Variants in DPP6 observed in about 807,000 individuals in gnomAD.
DPP6 encodes A-type potassium channel modulatory protein DPP6.
In DPP6, 69 loss-of-function variants were observed where a neutral mutation model predicts 122.6. That is an observed-to-expected ratio of 0.56 (90% CI 0.46 to 0.69). The LOEUF (loss-of-function observed/expected upper bound fraction) is 0.69. DPP6 is among the 30% of genes least tolerant of loss of function. The probability of loss-of-function intolerance (pLI) is 0.00; values close to 1 mark genes in which losing one functional copy is unlikely to be tolerated. For missense variants in DPP6, 928 were observed against 1,116.9 expected (o/e 0.83, Z 2.41); for synonymous variants, 418 against 433.1 (o/e 0.97, Z 0.43).
chr7:153,995,862 G>C (rs1198908800), intron 1 of DPP6, among the ~76,000 whole-genome samples: 1 of 152,196 alleles, frequency 6.6e-6, no homozygotes, highest in African/African-American at 2.4e-5. Flanking sequence ...CCTCCAAGGA[G>C]TCGTTGACAG....
chr7:154,457,115 A>T (rs1274197955), intron 2 of DPP6, among the ~76,000 whole-genome samples: 1 of 73,734 alleles, frequency 1.4e-5, no homozygotes, highest in African/African-American at 4.4e-5. Context: ...ATTTATTGAG[A>T]GTTTTTAGCA....
At chr7:153,955,591 A>G (rs2129024485) in intron 1 of DPP6, among the ~76,000 whole-genome samples, 1 of 152,158 alleles carries the variant, frequency 6.6e-6, no homozygotes, top group African/African-American at 2.4e-5. Flanking sequence ...GGCACCCGCC[A>G]CCACGCCTGG....
At chr7:154,494,243 C>G (rs1040273407) in intron 3 of DPP6, among the ~76,000 whole-genome samples, 9 of 151,944 alleles carry the variant, frequency 5.9e-5, no homozygotes, top group African/African-American at 2.2e-4. Flanking sequence ...GTAGTCCCAG[C>G]TACTCAGGAG....
At chr7:154,433,674 CT>C (rs1818633994) in intron 1 of DPP6, among the ~76,000 whole-genome samples, 1 of 152,176 alleles carries the variant, frequency 6.6e-6, no homozygotes, top group African/African-American at 2.4e-5. Flanking sequence ...AATTAGTCTT[CT>C]CCTTCTGTCC....
intron 4 of DPP6, among the ~76,000 whole-genome samples, chr7:154,565,069 G>A (rs1367724113): frequency 6.6e-6 from 1 of 152,194 alleles, no homozygotes; most frequent in Non-Finnish European, 1.5e-5. Flanking sequence ...GCATCTTTGA[G>A]ATAAGCTTTG....
chr7:153,788,834 A>G, the DPP6 span, among the ~76,000 whole-genome samples: 1 of 152,080 alleles, frequency 6.6e-6, no homozygotes, highest in Non-Finnish European at 1.5e-5. Context: ...GCATGGTGGT[A>G]GATGCCTGTA....
At chr7:153,818,427 T>C in the DPP6 span, among the ~76,000 whole-genome samples, 1 of 151,886 alleles carries the variant, frequency 6.6e-6, no homozygotes, top group African/African-American at 2.4e-5. Context: ...AAAGTAAACA[T>C]TTAGGTACCA....
In DPP6 at chr7:154,003,466, C is replaced by G. The variant is rs370515215; in HGVS notation, c.51+115732C>G. Among the ~76,000 whole-genome samples the G allele has an allele frequency of 2.6e-5, 4 of 152,234 alleles. No homozygotes were observed. The East Asian group carries it at 5.8e-4, about 22-fold the overall frequency. ...TGATAAAAGCTGAGCGTGTGTGACA[C>G]TCTCCTAACACAGAGTCCTGTGATT... On this transcript the variant is annotated intron_variant, in intron 1 of 25. Transcript: ENST00000404039.
chr7:154,135,422 A>C (rs1442275701), intron 1 of DPP6, among the ~76,000 whole-genome samples: 1 of 147,736 alleles, frequency 6.8e-6, no homozygotes, highest in African/African-American at 2.5e-5. Flanking sequence ...TGCACTTCCT[A>C]AGAGAGCATG....
At chr7:154,772,588 A>G (rs1408675629) in intron 9 of DPP6, among the ~76,000 whole-genome samples, 1 of 152,146 alleles carries the variant, frequency 6.6e-6, no homozygotes, top group Non-Finnish European at 1.5e-5. Context: ...CTCACTTGAC[A>G]TTGCCAAACC....
the DPP6 span, among the ~76,000 whole-genome samples, chr7:153,817,138 G>C: frequency 1.3e-5 from 2 of 149,478 alleles, no homozygotes; most frequent in African/African-American, 4.9e-5. Flanking sequence ...CAGCCAGAGA[G>C]ATTGGAGCAA....
At chr7:154,738,260 T>C (rs1183933439) in intron 8 of DPP6, among the ~76,000 whole-genome samples, 1 of 152,172 alleles carries the variant, frequency 6.6e-6, no homozygotes, top group Non-Finnish European at 1.5e-5. Context: ...AAACAGGAGA[T>C]AAAAGGGATG....
chr7:154,847,521 G>C (rs1013899334), intron 16 of DPP6, among the ~76,000 whole-genome samples: 1 of 151,806 alleles, frequency 6.6e-6, no homozygotes, highest in Non-Finnish European at 1.5e-5. Context: ...TGTTTGGTTT[G>C]GGGCTCTTTC....
intron 7 of DPP6, among the ~76,000 whole-genome samples, chr7:154,707,379 T>C (rs2131289562): frequency 6.6e-6 from 1 of 152,324 alleles, no homozygotes; most frequent in South Asian, 2.1e-4. Flanking sequence ...ATGATTTTTT[T>C]TGCCATATCC....
chr7:154,060,731 C>CCCA (rs1353675602), intron 1 of DPP6, among the ~76,000 whole-genome samples: 3 of 146,108 alleles, frequency 2.1e-5, no homozygotes, highest in African/African-American at 7.6e-5. Context: ...GGAGGCACCC[C>CCCA]CCGCGAGGCA....
chr7:154,847,127 A>G (rs1413997424), intron 16 of DPP6, among the ~76,000 whole-genome samples: 1 of 152,182 alleles, frequency 6.6e-6, no homozygotes, highest in Non-Finnish European at 1.5e-5. Flanking sequence ...GGTCATACGC[A>G]TGAGCATCTT....
the DPP6 span, among the ~76,000 whole-genome samples, chr7:153,820,771 G>C: frequency 6.6e-6 from 1 of 151,814 alleles, no homozygotes; most frequent in Non-Finnish European, 1.5e-5. Context: ...CATTAGTAAA[G>C]TGATAATGTC....
At chr7:154,447,167 G>A (rs372061049) in intron 2 of DPP6, among the ~76,000 whole-genome samples, 10 of 152,202 alleles carry the variant, frequency 6.6e-5, no homozygotes, top group South Asian at 2.1e-4. Context: ...TTAGCCAGGC[G>A]TGGTGGCAAG....
At chr7:154,837,218 A>ACATG (rs1036731298) in intron 16 of DPP6, among the ~76,000 whole-genome samples, 2 of 151,554 alleles carry the variant, frequency 1.3e-5, no homozygotes, top group African/African-American at 2.4e-5. Context: ...ACATGCACAC[A>ACATG]CATGCACACA....
Sources: gnomAD v4.1 joint callset for allele counts (sites outside exome capture counted in the v4.1 genomes callset) on GRCh38, gnomAD v4.1.1 for gene constraint, MANE v1.5 for transcripts, NCBI Gene and HGNC (gene_info 2026-07-23, HGNC 2026-07-21) for gene names.